PSEN1: variants seen among roughly 807,000 people sequenced by gnomAD.
PSEN1 encodes presenilin-1.
PSEN1 carries 15 observed loss-of-function variants against 53.5 expected under a neutral mutation model. The observed-to-expected ratio is 0.28, with a 90% CI of 0.19 to 0.43. The LOEUF (loss-of-function observed/expected upper bound fraction) is 0.43, where lower values mean the gene tolerates loss of function less well. Among genes scored for constraint, PSEN1 ranks in the 20% least tolerant of loss-of-function variants. The probability of loss-of-function intolerance (pLI) is 1.00; values close to 1 mark genes in which losing one functional copy is unlikely to be tolerated. For missense variants in PSEN1, 387 were observed against 571.2 expected, an observed-to-expected ratio of 0.68 and a Z score of 3.29; for synonymous variants, 208 against 209.8, an observed-to-expected ratio of 0.99 and a Z score of 0.08.
chr14:73,219,452 A>G lies in PSEN1; in HGVS notation c.*163A>G. The stretch of plus-strand genomic sequence containing the variant: ...CTTCCTGACCACCTTGCACTATTGG[A>G]CTTTGGAAGGAGGTGCCTATAGAAA... On this transcript the variant is annotated 3_prime_UTR_variant, in exon 12 of 12. Transcript: ENST00000324501. The G allele has an allele frequency of 1.3e-6, 1 of 789,544 alleles. No individual in the cohort carries two copies. The highest frequency in any genetic ancestry group is 2.1e-6 in the Non-Finnish European group (1 of 468,610). 48.9% of individuals were successfully genotyped at this position (789,544 alleles called of 1,614,324 possible).
chr14:73,207,076 CA>C (rs1899484319), intron 9 of PSEN1, among the ~76,000 whole-genome samples: 1 of 152,078 alleles, frequency 6.6e-6, no homozygotes, highest in South Asian at 2.1e-4. Flanking sequence ...GTCCCAGCTA[CA>C]TGGCCAAGGC....
intron 3 of PSEN1, among the ~76,000 whole-genome samples, chr14:73,158,489 C>T (rs1406452140): frequency 6.6e-6 from 1 of 152,104 alleles, no homozygotes; most frequent in African/African-American, 2.4e-5. Context: ...CCACACCCAG[C>T]TAATTTTTGT....
chr14:73,179,991 A>AT (rs751321652), intron 5 of PSEN1, among the ~76,000 whole-genome samples: 2,462 of 148,008 alleles, frequency 0.017, 48 homozygotes, highest in East Asian at 0.05. Context: ...ATTTTATTTT[A>AT]TTTTTTTTTT....
At chr14:73,204,189 G>C (rs1371872596) in intron 8 of PSEN1, among the ~76,000 whole-genome samples, 1 of 151,740 alleles carries the variant, frequency 6.6e-6, no homozygotes, top group African/African-American at 2.4e-5. Flanking sequence ...GTAGAGACAG[G>C]GTTTCTCCAT....
intron 9 of PSEN1, 78 bp downstream of exon 9, chr14:73,206,550 C>G: frequency 9.9e-7 from 1 of 1,011,782 alleles, no homozygotes; most frequent in Non-Finnish European, 1.5e-6. Flanking sequence ...ATGTTTTTAT[C>G]GTCTTTCTTT....
chr14:73,159,218 G>C (rs1234316221), intron 3 of PSEN1, among the ~76,000 whole-genome samples: 1 of 148,334 alleles, frequency 6.7e-6, no homozygotes, highest in Admixed American at 6.8e-5. Flanking sequence ...GTCTTGCCCT[G>C]TCACCCAGGC....
chr14:73,148,048 A>C lies in PSEN1; in HGVS notation c.29A>C (p.Tyr10Ser). The change falls in exon 3 of 12, where the codon TAC (tyrosine) becomes TCC (serine). Residue 10 changes from tyrosine to serine, a missense_variant. Tyr to Ser is a moderately radical substitution (Grantham distance 144, BLOSUM62 -2). Around this residue, in one of 4 missense-constraint regions of PSEN1, gnomAD observed 99 missense variants for 101.5 expected, o/e 0.98. Coordinates refer to ENST00000324501, the MANE Select transcript of PSEN1 (RefSeq NM_000021.4). Reference sequence around the variant, plus strand: ...ACAGAGTTACCTGCACCGTTGTCCTACTTCCAGAATGCACAGATGTCTGAG... The same window carrying C: ...ACAGAGTTACCTGCACCGTTGTCCTCCTTCCAGAATGCACAGATGTCTGAG... Reference protein sequence around the residue: MTELPAPLSYFQNAQMSEDN... With the variant: MTELPAPLSSFQNAQMSEDN... 1.9e-6 allele frequency: 3 copies of C among 1,613,982 alleles called. No individual in the cohort carries two copies. The highest frequency in any genetic ancestry group is 2.5e-6 in the Non-Finnish European group (3 of 1,179,860).
chr14:73,143,988 TAAAAAAAAAAA>T (rs530235019), intron 1 of PSEN1, among the ~76,000 whole-genome samples: 2 of 53,198 alleles, frequency 3.8e-5, no homozygotes, highest in Non-Finnish European at 6.0e-5. Flanking sequence ...CCTTGTCTCT[TAAAAAAAAAAA>T]AAAAAAAAAA....
chr14:73,198,104 G>C lies in PSEN1; in HGVS notation c.843G>C (p.Thr281=), dbSNP rs186495252. The C allele has an allele frequency of 2.6e-5, 42 of 1,608,230 alleles. No individual in the cohort carries two copies. The East Asian group carries it at 8.3e-4, about 32-fold the overall frequency. ...LVETAQERNE[T]LFPALIYSST... is the part of the protein sequence containing the mutation. Reference sequence around the variant, plus strand: ...AAACAGCTCAGGAGAGAAATGAAACGCTTTTTCCAGCTCTCATTTACTCCT... The same window carrying C: ...AAACAGCTCAGGAGAGAAATGAAACCCTTTTTCCAGCTCTCATTTACTCCT... The change falls in exon 8 of 12, where the codon ACG becomes ACC. Residue 281 remains threonine, a synonymous_variant. Transcript: ENST00000324501.
intron 3 of PSEN1, among the ~76,000 whole-genome samples, chr14:73,163,262 T>G (rs1897610865): frequency 6.6e-6 from 1 of 152,202 alleles, no homozygotes; most frequent in African/African-American, 2.4e-5. Context: ...TACAAATCTC[T>G]GAAACCCAAA....
intron 1 of PSEN1, among the ~76,000 whole-genome samples, chr14:73,146,817 C>T (rs1897084011): frequency 6.6e-6 from 1 of 152,042 alleles, no homozygotes; most frequent in Non-Finnish European, 1.5e-5. Flanking sequence ...TATTAATTAG[C>T]GTTAGGTATG....
At chr14:73,183,608 T>G (rs2083978208) in intron 5 of PSEN1, among the ~76,000 whole-genome samples, 2 of 152,140 alleles carry the variant, frequency 1.3e-5, no homozygotes, top group South Asian at 4.2e-4. Context: ...GAGCACAGGG[T>G]TGGGGGTAAG....
chr14:73,165,369 C>G (rs1329797237), intron 3 of PSEN1, among the ~76,000 whole-genome samples: 1 of 152,220 alleles, frequency 6.6e-6, no homozygotes, highest in Admixed American at 6.5e-5. Context: ...TTCCTAGGCT[C>G]AAACGATTCT....
At chr14:73,194,564 C>G in intron 7 of PSEN1, among the ~76,000 whole-genome samples, 1 of 145,040 alleles carries the variant, frequency 6.9e-6, no homozygotes, top group East Asian at 2.0e-4. Flanking sequence ...CCTGGCCATA[C>G]ACTTTTTTTT....
chr14:73,216,477 T>A (rs1899918310), intron 10 of PSEN1, among the ~76,000 whole-genome samples: 1 of 152,096 alleles, frequency 6.6e-6, no homozygotes, highest in Admixed American at 6.6e-5. Context: ...AATAAGATGA[T>A]AGGCCATGTG....
chr14:73,200,392 C>A (rs796753851), intron 8 of PSEN1, among the ~76,000 whole-genome samples: 85 of 152,214 alleles, frequency 5.6e-4, no homozygotes, highest in African/African-American at 1.8e-3. Context: ...CTCTCAGCCT[C>A]CCAAGTAGCT....
chr14:73,194,958 A>G (rs529075455), intron 7 of PSEN1, among the ~76,000 whole-genome samples: 2 of 152,314 alleles, frequency 1.3e-5, no homozygotes, highest in South Asian at 2.1e-4. Context: ...TTGACGAAGA[A>G]GTCTGTGGAA....
intron 10 of PSEN1, 106 bp downstream of exon 10, chr14:73,212,048 T>C (rs1047738213): frequency 1.4e-5 from 11 of 768,102 alleles, no homozygotes; most frequent in Middle Eastern, 3.5e-4. Context: ...TCTAATTCTA[T>C]ATCACATGTA....
intron 5 of PSEN1, among the ~76,000 whole-genome samples, chr14:73,184,541 G>A (rs1159723182): frequency 3.0e-4 from 42 of 137,800 alleles, no homozygotes; most frequent in Non-Finnish European, 5.1e-4. Context: ...CTCCCTCTCG[G>A]ACAGGGCGGC....
Sources: gnomAD v4.1 joint callset for allele counts (sites outside exome capture counted in the v4.1 genomes callset) on GRCh38, gnomAD v4.1.1 for gene constraint, gnomAD v4.1.1 regional missense constraint, MANE v1.5 for transcripts, NCBI Gene and HGNC (gene_info 2026-07-23, HGNC 2026-07-21) for gene names.